PODXL: variants seen among roughly 807,000 people sequenced by gnomAD.
PODXL encodes podocalyxin like.
PODXL carries 20 observed loss-of-function variants against 48.9 expected under a neutral mutation model. That is an observed-to-expected ratio of 0.41 (90% CI 0.29 to 0.59). The LOEUF (loss-of-function observed/expected upper bound fraction) is 0.59. Ranked by LOEUF, PODXL falls within the 20% of genes least tolerant of loss-of-function variation. The pLI, the probability that PODXL is intolerant of heterozygous loss-of-function variation, is 0.31. For missense variants in PODXL, 606 were observed against 675.1 expected (o/e 0.90, Z 1.13); for synonymous variants, 295 against 287.4 (o/e 1.03, Z -0.27).
At position 131,501,002 on chromosome 7, in the gene PODXL, A is replaced by G. The variant is rs1797691411; in HGVS notation, c.*3309T>C. ...ACTAGATCTTGAAATACCTTTCTCC[A>G]TGACTACAGGGTTGCCTGCCAACCA... On this transcript the variant is annotated 3_prime_UTR_variant, in exon 9 of 9. Transcript: ENST00000378555. The G allele has an allele frequency of 6.6e-6, 1 of 152,184 alleles. No individual in the cohort carries two copies. Among genetic ancestry groups the G allele is most frequent in the Non-Finnish European group, 1.5e-5 (1 of 68,028 alleles). 9.4% of individuals were successfully genotyped at this position (152,184 alleles called of 1,614,324 possible).
intron 1 of PODXL, among the ~76,000 whole-genome samples, chr7:131,546,301 A>C (rs1302191601): frequency 6.6e-6 from 1 of 152,156 alleles, no homozygotes; most frequent in Non-Finnish European, 1.5e-5. Flanking sequence ...CGTGTCCAGG[A>C]GCTGATTACC....
chr7:131,505,892 C>A lies in PODXL; in HGVS notation c.1455G>T (p.Gln485His). The A allele has an allele frequency of 5.1e-6, 8 of 1,570,940 alleles. No individual in the cohort carries two copies. The highest frequency in any genetic ancestry group is 6.9e-6 in the Non-Finnish European group (8 of 1,158,140). Residue 485 changes from glutamine (Q) to histidine (H), a missense_variant, in exon 8 of 9, where the codon CAG (glutamine) becomes CAT (histidine). Physicochemically the swap from Gln to His is conservative, Grantham distance 24 (BLOSUM62 0). Coordinates refer to ENST00000378555, the MANE Select transcript of PODXL (RefSeq NM_001018111.3). The stretch of plus-strand genomic sequence containing the variant: ...CCTGGTCCTTCCTCTGGGAGAGGCG[C>A]TGGTGGCAGCAGCCATAGAGGGCCG... ...LVAALYGCCHQRLSQRKDQQR... is the reference protein window; with the variant it reads ...LVAALYGCCHHRLSQRKDQQR...
rs184301919 is a variant in PODXL, at chr7:131,534,448, G to A, written c.100+21812C>T. Among the ~76,000 whole-genome samples, 180 of 152,296 alleles carry A rather than the reference G, an allele frequency of 1.2e-3. 2 individuals are homozygous for A. The Middle Eastern group carries it at 0.014, about 12-fold the overall frequency. On this transcript the variant is annotated intron_variant, in intron 1 of 8. Coordinates refer to ENST00000378555, the MANE Select transcript of PODXL (RefSeq NM_001018111.3). ...CACCCCATCCTGGCGGGGCAAGGCCGCCACCTGTGAGAGCTCTATGTGAGG... is the reference window on the plus strand; with the variant it reads ...CACCCCATCCTGGCGGGGCAAGGCCACCACCTGTGAGAGCTCTATGTGAGG...
At chr7:131,520,938 C>T (rs35287817) in intron 1 of PODXL, among the ~76,000 whole-genome samples, 7,909 of 152,228 alleles carry the variant, frequency 0.052, 283 homozygotes, top group Non-Finnish European at 0.073. Flanking sequence ...GAGGCTGAGG[C>T]GGGCCGATCA....
intron 1 of PODXL, among the ~76,000 whole-genome samples, chr7:131,554,853 A>G (rs1562921456): frequency 1.3e-5 from 2 of 152,162 alleles, no homozygotes; most frequent in Non-Finnish European, 2.9e-5. Flanking sequence ...GAGTAGGGCT[A>G]AGGAGCCACC....
chr7:131,505,958 G>A lies in PODXL; in HGVS notation c.1389C>T (p.Ile463=), dbSNP rs749383990. ...EAEDRFSMPL[I]ITIVCMASFL... ...ATGATGCCATGCAGACGATGGTGAT[G>A]ATGAGGGGCATGCTGAAGCGGTCCT... Residue 463 remains isoleucine, a synonymous_variant, in exon 8 of 9, where the codon ATC becomes ATT. Transcript: ENST00000378555. The A allele has an allele frequency of 6.2e-7, 1 of 1,609,260 alleles. No homozygotes were observed. The highest frequency in any genetic ancestry group is 8.5e-7 in the Non-Finnish European group (1 of 1,178,290).
chr7:131,538,641 A>G (rs1798423040), intron 1 of PODXL, among the ~76,000 whole-genome samples: 1 of 152,056 alleles, frequency 6.6e-6, no homozygotes, highest in Non-Finnish European at 1.5e-5. Context: ...CGACGGTGCC[A>G]CCCAAGATTC....
chr7:131,533,128 A>G (rs1208262979), intron 1 of PODXL, among the ~76,000 whole-genome samples: 8 of 152,206 alleles, frequency 5.3e-5, no homozygotes, highest in Non-Finnish European at 8.8e-5. Context: ...CGGGTCCCCA[A>G]CGTGCGCCCC....
At position 131,503,463 on chromosome 7, in the gene PODXL, CT is replaced by C. The variant is rs1562900637; in HGVS notation, c.*847del. On this transcript the variant is annotated 3_prime_UTR_variant, in exon 9 of 9. Transcript: ENST00000378555. ...AATGGGCCAGTGTTCCTGCTGACCCCTCATCAGCTGCCCTGAGATACCAGCC... is the reference window on the plus strand; with the variant it reads ...AATGGGCCAGTGTTCCTGCTGACCCCCATCAGCTGCCCTGAGATACCAGCC... The C allele has an allele frequency of 6.6e-6, 1 of 152,350 alleles. No homozygotes were observed. The highest frequency in any genetic ancestry group is 2.4e-5 in the African/African-American group (1 of 41,462). 9.4% of individuals were successfully genotyped at this position (152,350 alleles called of 1,614,324 possible).
In PODXL at chr7:131,511,336, G is replaced by C; in HGVS notation, c.198C>G (p.Val66=). 8 of 1,612,846 alleles carry C rather than the reference G, an allele frequency of 5.0e-6. No homozygotes were observed. The highest frequency in any genetic ancestry group is 6.8e-6 in the Non-Finnish European group (8 of 1,179,988). ...MATDTAQQST[V]PTSKANEILA... ...AGATTTCGTTGGCCTTGGAAGTGGG[G>C]ACTGTGCTCTGCTGGGCTGTATCTG... is the stretch of plus-strand genomic sequence containing the variant. The change falls in exon 2 of 9, where the codon GTC becomes GTG. Residue 66 remains valine, a synonymous_variant. Transcript: ENST00000378555.
At chr7:131,511,896 A>T (rs572377666) in intron 1 of PODXL, among the ~76,000 whole-genome samples, 49 of 152,092 alleles carry the variant, frequency 3.2e-4, no homozygotes, top group African/African-American at 1.2e-3. Flanking sequence ...CCCCACACAC[A>T]TCCCCTTTAA....
chr7:131,512,989 C>T (rs570540742), intron 1 of PODXL, among the ~76,000 whole-genome samples: 2 of 92,048 alleles, frequency 2.2e-5, no homozygotes, highest in African/African-American at 9.5e-5. Flanking sequence ...AGCAAGACTC[C>T]GTCTCAAAAA....
intron 1 of PODXL, among the ~76,000 whole-genome samples, chr7:131,516,190 A>C (rs1797992691): frequency 6.6e-6 from 1 of 152,162 alleles, no homozygotes. Context: ...CTCAATGGAA[A>C]CCTACATTAA....
Position 131,534,326 on chromosome 7 carries a change from G to C in PODXL, c.100+21934C>G, listed in dbSNP as rs373679524. 3.5e-4 allele frequency among the ~76,000 whole-genome samples: 54 copies of C among 152,362 alleles called. No homozygotes were observed. The East Asian group carries it at 0.01, about 29-fold the overall frequency. On this transcript the variant is annotated intron_variant, in intron 1 of 8. Transcript: ENST00000378555. ...GAAGGAAAGGAAACCCAGGCCTGGG[G>C]GACCCCAACTCCAGGAAGTGTTTCC...
intron 1 of PODXL, among the ~76,000 whole-genome samples, chr7:131,522,564 GCA>G (rs1304741005): frequency 6.6e-6 from 1 of 152,198 alleles, no homozygotes; most frequent in Non-Finnish European, 1.5e-5. Context: ...GGAGGACTTT[GCA>G]GCCCCGGGTG....
intron 1 of PODXL, among the ~76,000 whole-genome samples, chr7:131,535,249 G>A (rs747207146): frequency 5.9e-5 from 9 of 152,144 alleles, no homozygotes; most frequent in Non-Finnish European, 1.3e-4. Context: ...ATCTTCTGCA[G>A]GTGGATGATA....
intron 1 of PODXL, among the ~76,000 whole-genome samples, chr7:131,549,447 G>A (rs755102002): frequency 2.0e-5 from 3 of 152,086 alleles, no homozygotes; most frequent in Non-Finnish European, 2.9e-5. Context: ...GAGACCAAAG[G>A]GACTCAGTCC....
chr7:131,509,256 A>G (rs1443429187), intron 4 of PODXL, 109 bp downstream of exon 4: 3 of 949,956 alleles, frequency 3.2e-6, no homozygotes, highest in Admixed American at 3.9e-5. Flanking sequence ...TGCTGCTCAA[A>G]GCCCCAGCCA....
rs142225514 is a variant in PODXL, at chr7:131,539,164, T to C, written c.100+17096A>G. 2.0e-5 allele frequency among the ~76,000 whole-genome samples: 3 copies of C among 152,250 alleles called. No homozygotes were observed. In the East Asian group the frequency reaches 5.8e-4, roughly 29 times the overall value. Reference sequence around the variant, plus strand: ...CACTCGCCCTGCCTTTAAGGTCAGTTTAAATGACCACATCCAAGATGTGAT... The same window carrying C: ...CACTCGCCCTGCCTTTAAGGTCAGTCTAAATGACCACATCCAAGATGTGAT... On this transcript the variant is annotated intron_variant, in intron 1 of 8. Coordinates refer to ENST00000378555, the MANE Select transcript of PODXL (RefSeq NM_001018111.3).
Sources: allele counts gnomAD v4.1 joint callset (sites outside exome capture counted in the v4.1 genomes callset), GRCh38; gene constraint gnomAD v4.1.1; transcripts MANE v1.5; gene names NCBI Gene and HGNC (gene_info 2026-07-23, HGNC 2026-07-21).